The following ASCC3 variants were observed in gnomAD, a reference collection of about 807,000 sequenced individuals.
The protein encoded by ASCC3 is activating signal cointegrator 1 complex subunit 3.
A neutral mutation model predicts 256.3 loss-of-function variants in ASCC3; 158 were observed. That is an observed-to-expected ratio of 0.62 (90% CI 0.54 to 0.70). ASCC3 has a LOEUF of 0.70. Among genes scored for constraint, ASCC3 ranks in the 30% least tolerant of loss-of-function variants. ASCC3 has a pLI of 0.00. For synonymous variants in ASCC3, 948 were observed against 883.4 expected, an observed-to-expected ratio of 1.07 and a Z score of -1.30; for missense variants, 2,259 against 2,626.0, an observed-to-expected ratio of 0.86 and a Z score of 3.05.
chr6:100,609,583 T>A, intron 30 of ASCC3, among the ~76,000 whole-genome samples: 1 of 152,106 alleles, frequency 6.6e-6, no homozygotes, highest in East Asian at 1.9e-4. Context: ...GCAAATCTTA[T>A]TTTCTTACAA....
At chr6:100,703,497 T>C (rs567730022) in intron 13 of ASCC3, among the ~76,000 whole-genome samples, 1 of 152,140 alleles carries the variant, frequency 6.6e-6, no homozygotes, top group African/African-American at 2.4e-5. Context: ...ATCCCCAATA[T>C]GCAGTATATT....
intron 36 of ASCC3, among the ~76,000 whole-genome samples, chr6:100,584,184 G>C (rs1771495507): frequency 6.6e-6 from 1 of 151,110 alleles, no homozygotes. Flanking sequence ...GTTGACAGTG[G>C]GGTGTTAAAG....
chr6:100,695,615 T>G (rs1443002468), intron 13 of ASCC3, among the ~76,000 whole-genome samples: 1 of 152,192 alleles, frequency 6.6e-6, no homozygotes, highest in Non-Finnish European at 1.5e-5. Context: ...GTCAACTGCT[T>G]ACTTTCCAAG....
intron 36 of ASCC3, among the ~76,000 whole-genome samples, chr6:100,561,600 T>G (rs758989509): frequency 1.3e-5 from 2 of 152,130 alleles, no homozygotes; most frequent in South Asian, 4.1e-4. Flanking sequence ...AGGTCTTAAT[T>G]GATTCTTTCT....
intron 34 of ASCC3, among the ~76,000 whole-genome samples, chr6:100,591,225 T>G (rs1217270810): frequency 6.6e-6 from 1 of 152,050 alleles, no homozygotes; most frequent in Non-Finnish European, 1.5e-5. Context: ...AAACCAAAAT[T>G]ATTAACCATT....
At chr6:100,563,119 T>A (rs1582454178) in intron 36 of ASCC3, among the ~76,000 whole-genome samples, 2 of 152,066 alleles carry the variant, frequency 1.3e-5, no homozygotes, top group Non-Finnish European at 2.9e-5. Flanking sequence ...ATGATTAAAA[T>A]TTTTTAATAT....
chr6:100,762,159 C>T (rs938563185), intron 10 of ASCC3, among the ~76,000 whole-genome samples: 2 of 152,204 alleles, frequency 1.3e-5, no homozygotes, highest in Admixed American at 1.3e-4. Context: ...CAGAATTTCC[C>T]TCTATCCTCA....
intron 1 of ASCC3, among the ~76,000 whole-genome samples, chr6:100,874,258 G>C (rs1773882311): frequency 6.6e-6 from 1 of 152,044 alleles, no homozygotes; most frequent in Admixed American, 6.5e-5. Flanking sequence ...ACGAGGTCAA[G>C]AGATTGAGAC....
chr6:100,751,203 G>A (rs1780921557), intron 10 of ASCC3, among the ~76,000 whole-genome samples: 1 of 151,840 alleles, frequency 6.6e-6, no homozygotes, highest in Non-Finnish European at 1.5e-5. Context: ...AAATATTTCT[G>A]ACCCAAGTTT....
At chr6:100,611,696 C>G (rs1324802362) in intron 30 of ASCC3, among the ~76,000 whole-genome samples, 1 of 151,902 alleles carries the variant, frequency 6.6e-6, no homozygotes, top group Non-Finnish European at 1.5e-5. Context: ...AGCCCTGGTT[C>G]CATGAGAGAA....
At chr6:100,831,173 T>A in intron 4 of ASCC3, among the ~76,000 whole-genome samples, 1 of 152,190 alleles carries the variant, frequency 6.6e-6, no homozygotes, top group South Asian at 2.1e-4. Flanking sequence ...AAATATATTT[T>A]ACTTTTAAAT....
At chr6:100,803,155 C>G (rs1416971317) in intron 5 of ASCC3, among the ~76,000 whole-genome samples, 1 of 151,764 alleles carries the variant, frequency 6.6e-6, no homozygotes, top group Non-Finnish European at 1.5e-5. Context: ...ATTTTAGATA[C>G]TCATAAACCT....
chr6:100,675,079 CT>C (rs1304506656), intron 14 of ASCC3, among the ~76,000 whole-genome samples: 1 of 150,628 alleles, frequency 6.6e-6, no homozygotes, highest in African/African-American at 2.4e-5. Flanking sequence ...GGTTACCTCC[CT>C]TTGAAAACAG....
At chr6:100,637,144 C>T (rs577995149) in intron 25 of ASCC3, among the ~76,000 whole-genome samples, 83 of 152,260 alleles carry the variant, frequency 5.5e-4, no homozygotes, top group Non-Finnish European at 7.1e-4. Context: ...AAAGGAGGAG[C>T]TAACTTTCTT....
chr6:100,577,078 A>G (rs541321387), intron 36 of ASCC3, among the ~76,000 whole-genome samples: 10 of 151,942 alleles, frequency 6.6e-5, no homozygotes, highest in African/African-American at 2.4e-4. Flanking sequence ...TTCCTAAAGT[A>G]TCCAGAGCTC....
intron 3 of ASCC3, among the ~76,000 whole-genome samples, chr6:100,854,986 TA>T (rs1366252287): frequency 6.6e-6 from 1 of 152,216 alleles, no homozygotes; most frequent in Non-Finnish European, 1.5e-5. Flanking sequence ...TAATACTATT[TA>T]AAAGTATCAC....
At chr6:100,635,339 T>C (rs1774791204) in intron 25 of ASCC3, among the ~76,000 whole-genome samples, 1 of 151,940 alleles carries the variant, frequency 6.6e-6, no homozygotes, top group Non-Finnish European at 1.5e-5. Context: ...ACGCCAGACA[T>C]AGAAAGAAAA....
intron 13 of ASCC3, among the ~76,000 whole-genome samples, chr6:100,693,614 A>G (rs1562231141): frequency 1.3e-5 from 2 of 152,178 alleles, no homozygotes; most frequent in Non-Finnish European, 2.9e-5. Flanking sequence ...TAGGACCAAA[A>G]GGGAAAACTG....
chr6:100,798,988 A>G (rs1769776773), intron 7 of ASCC3, 150 bp from the exon 8 acceptor site: 1 of 704,002 alleles, frequency 1.4e-6, no homozygotes, highest in Non-Finnish European at 2.2e-6. Flanking sequence ...AAACAAACTT[A>G]AATAAAACAA....
Sources: allele counts gnomAD v4.1 joint callset (sites outside exome capture counted in the v4.1 genomes callset), GRCh38; gene constraint gnomAD v4.1.1; transcripts MANE v1.5; gene names NCBI Gene and HGNC (gene_info 2026-07-23, HGNC 2026-07-21).